Variants in ADGRL3 observed in about 807,000 individuals in gnomAD.
The protein encoded by ADGRL3 is adhesion G protein-coupled receptor L3.
A neutral mutation model predicts 153.5 loss-of-function variants in ADGRL3; 62 were observed. That is an observed-to-expected ratio of 0.40 (90% confidence interval 0.33 to 0.50). The LOEUF (loss-of-function observed/expected upper bound fraction) is 0.50. ADGRL3 is among the 20% of genes least tolerant of loss of function. The probability of loss-of-function intolerance (pLI) is 0.47; values close to 1 mark genes in which losing one functional copy is unlikely to be tolerated. For missense variants in ADGRL3, 1,641 were observed against 1,859.4 expected (o/e 0.88, Z 2.16); for synonymous variants, 710 against 672.5 (o/e 1.06, Z -0.86).
intron 5 of ADGRL3, among the ~76,000 whole-genome samples, chr4:61,652,243 T>C (rs1026930068): frequency 1.7e-4 from 26 of 152,188 alleles, no homozygotes; most frequent in Non-Finnish European, 7.4e-5. Flanking sequence ...GTGCAAAGTT[T>C]TATAATTAAA....
intron 1 of ADGRL3, among the ~76,000 whole-genome samples, chr4:61,265,146 T>C (rs1423499559): frequency 2.6e-5 from 4 of 151,998 alleles, no homozygotes; most frequent in Admixed American, 6.6e-5. Flanking sequence ...TACAGAATCT[T>C]TGGGCTGATT....
At chr4:61,361,658 A>G (rs1468212222) in intron 1 of ADGRL3, among the ~76,000 whole-genome samples, 2 of 152,216 alleles carry the variant, frequency 1.3e-5, no homozygotes, top group African/African-American at 2.4e-5. Flanking sequence ...GTGGCACACA[A>G]TAAAGGCAGC....
At chr4:61,629,845 T>C (rs188108830) in intron 5 of ADGRL3, among the ~76,000 whole-genome samples, 3 of 149,364 alleles carry the variant, frequency 2.0e-5, no homozygotes, top group Admixed American at 6.7e-5. Context: ...ACATGTGTCC[T>C]AATTGTATCC....
At chr4:61,315,070 A>C (rs909045256) in intron 1 of ADGRL3, among the ~76,000 whole-genome samples, 1 of 152,218 alleles carries the variant, frequency 6.6e-6, no homozygotes, top group African/African-American at 2.4e-5. Flanking sequence ...AGGCTACCTA[A>C]GGAAGGGACA....
At chr4:61,904,177 T>TAA (rs5858740) in intron 11 of ADGRL3, among the ~76,000 whole-genome samples, 1,533 of 136,096 alleles carry the variant, frequency 0.011, 15 homozygotes, top group African/African-American at 0.026. Context: ...TATTGTTCAT[T>TAA]AAAAAAAAAA....
At chr4:61,792,515 G>A (rs1361384014) in intron 8 of ADGRL3, among the ~76,000 whole-genome samples, 2 of 148,232 alleles carry the variant, frequency 1.3e-5, no homozygotes, top group East Asian at 2.0e-4. Flanking sequence ...TTTTGAGACC[G>A]AGTCTCACTC....
chr4:61,210,757 A>G lies in ADGRL3; in HGVS notation c.-240+8992A>G, dbSNP rs377571859. Among the ~76,000 whole-genome samples the G allele has an allele frequency of 6.7e-4, 102 of 152,294 alleles. 2 individuals carry two copies. In the South Asian group the frequency reaches 0.02, roughly 30 times the overall value. ...ATGGTTGTTGTTTGAACCTTGACTC[A>G]GAATACTGATCATGACTTCAAGGCG... On this transcript the variant is annotated intron_variant, in intron 1 of 26. Transcript: ENST00000683033.
At chr4:61,249,573 A>T (rs1262072530) in intron 1 of ADGRL3, among the ~76,000 whole-genome samples, 1 of 152,156 alleles carries the variant, frequency 6.6e-6, no homozygotes, top group Non-Finnish European at 1.5e-5. Flanking sequence ...ACAGAGTGAC[A>T]AAAGGAATGC....
intron 21 of ADGRL3, among the ~76,000 whole-genome samples, chr4:62,017,344 G>A (rs2099216957): frequency 6.6e-6 from 1 of 151,140 alleles, no homozygotes; most frequent in Non-Finnish European, 1.5e-5. Flanking sequence ...ATTCCACCAA[G>A]TTAAGGAAAC....
At chr4:61,639,034 A>G (rs1174548708) in intron 5 of ADGRL3, among the ~76,000 whole-genome samples, 1 of 152,032 alleles carries the variant, frequency 6.6e-6, no homozygotes, top group Non-Finnish European at 1.5e-5. Context: ...GTCAGACTGT[A>G]CTCCCACATC....
At chr4:61,826,910 G>C (rs1370261756) in intron 9 of ADGRL3, among the ~76,000 whole-genome samples, 2 of 122,488 alleles carry the variant, frequency 1.6e-5, no homozygotes, top group African/African-American at 6.7e-5. Flanking sequence ...AGGACTTAAA[G>C]TATAATAAAA....
chr4:61,817,241 C>T (rs1030280826), intron 9 of ADGRL3, among the ~76,000 whole-genome samples: 5 of 151,614 alleles, frequency 3.3e-5, no homozygotes, highest in South Asian at 2.1e-4. Context: ...CTGAAAGGGC[C>T]GGGTGTCCGG....
intron 1 of ADGRL3, among the ~76,000 whole-genome samples, chr4:61,206,552 T>TC (rs1737279826): frequency 1.3e-5 from 2 of 152,206 alleles, no homozygotes; most frequent in South Asian, 4.1e-4. Flanking sequence ...AGTGGAGTTT[T>TC]CCAGAAGGTA....
At chr4:61,501,626 G>A (rs371276701) in intron 3 of ADGRL3, among the ~76,000 whole-genome samples, 64 of 152,106 alleles carry the variant, frequency 4.2e-4, no homozygotes, top group African/African-American at 1.5e-3. Context: ...TCACTATGTA[G>A]GAATGTTTAA....
chr4:61,369,266 G>A (rs1037562722), intron 1 of ADGRL3, among the ~76,000 whole-genome samples: 2 of 152,070 alleles, frequency 1.3e-5, no homozygotes, highest in Non-Finnish European at 2.9e-5. Flanking sequence ...CCAACACTAT[G>A]TTGAATAGGA....
At chr4:61,368,608 A>G (rs2096457103) in intron 1 of ADGRL3, among the ~76,000 whole-genome samples, 1 of 151,930 alleles carries the variant, frequency 6.6e-6, no homozygotes, top group African/African-American at 2.4e-5. Context: ...TGGTACCAGT[A>G]CCATGCTGTT....
At chr4:61,598,847 T>C (rs1157470825) in intron 5 of ADGRL3, among the ~76,000 whole-genome samples, 1 of 152,190 alleles carries the variant, frequency 6.6e-6, no homozygotes, top group Non-Finnish European at 1.5e-5. Context: ...AATTTTCTTT[T>C]GATTTTGTCA....
At chr4:61,340,031 G>C (rs567422522) in intron 1 of ADGRL3, among the ~76,000 whole-genome samples, 1 of 152,202 alleles carries the variant, frequency 6.6e-6, no homozygotes, top group Non-Finnish European at 1.5e-5. Context: ...GCTGTGTAAA[G>C]AGTGTGAAGT....
At chr4:61,713,919 G>A (rs2151514779) in intron 6 of ADGRL3, among the ~76,000 whole-genome samples, 1 of 152,238 alleles carries the variant, frequency 6.6e-6, no homozygotes, top group Non-Finnish European at 1.5e-5. Context: ...TAAGCTGTTT[G>A]TGAACTCAGG....
Sources: allele counts gnomAD v4.1 joint callset (sites outside exome capture counted in the v4.1 genomes callset), GRCh38; gene constraint gnomAD v4.1.1; transcripts MANE v1.5; gene names NCBI Gene and HGNC (gene_info 2026-07-23, HGNC 2026-07-21).